Variants in MFAP1 observed in about 807,000 individuals in gnomAD.
MFAP1 encodes microfibrillar-associated protein 1.
A neutral mutation model predicts 62.2 loss-of-function variants in MFAP1; 18 were observed. The ratio of observed to expected loss-of-function variants is 0.29; its 90% CI spans 0.20 to 0.43. The LOEUF (loss-of-function observed/expected upper bound fraction) is 0.43, where lower values mean the gene tolerates loss of function less well. Ranked by LOEUF, MFAP1 falls within the 20% of genes least tolerant of loss-of-function variation. The pLI, the probability that MFAP1 is intolerant of heterozygous loss-of-function variation, is 1.00. For missense variants in MFAP1, 355 were observed against 559.7 expected (o/e 0.63, Z 3.69); for synonymous variants, 175 against 180.4 (o/e 0.97, Z 0.24).
rs750166071 is a variant in MFAP1, at chr15:43,813,088, C to T, written c.786G>A (p.Leu262=). Residue 262 remains leucine (L), a synonymous_variant, in exon 6 of 9, where the codon TTG becomes TTA. Transcript: ENST00000267812. ...LEENKRSLAA[L]DALNTDDEND... is the part of the protein sequence containing the mutation. ...TTTCATCATCAGTATTGAGTGCATC[C>T]AATGCAGCCAGGGATCGCTTGTTCT... 1 of 1,614,052 alleles carries T rather than the reference C, an allele frequency of 6.2e-7. No homozygotes were observed. Among genetic ancestry groups the T allele is most frequent in the African/African-American group, 1.3e-5 (1 of 74,912 alleles).
At position 43,809,886 on chromosome 15, in the gene MFAP1, G is replaced by A. The variant is rs773363920; in HGVS notation, c.916C>T (p.Arg306Cys). 5.0e-6 allele frequency: 8 copies of A among 1,613,994 alleles called. No homozygotes were observed. The highest frequency in any genetic ancestry group is 1.6e-4 in the Middle Eastern group (1 of 6,084). The change falls in exon 7 of 9, where the codon CGC (arginine) becomes TGC (cysteine). Residue 306 changes from arginine to cysteine, a missense_variant. Around this residue, in one of 6 missense-constraint regions of MFAP1, gnomAD observed 257 missense variants for 341.3 expected, o/e 0.75. Coordinates refer to ENST00000267812, the MANE Select transcript of MFAP1 (RefSeq NM_005926.3). ...ALEKEKAEIE[R>C]MRNLTEEERR... is the part of the protein sequence containing the mutation. ...TCTTCCTCAGTCAGGTTTCGCATGC[G>A]TTCAATTTCTGCTTTCTCCTTCTCA...
chr15:43,815,654 A>G (rs1894339785), intron 2 of MFAP1, among the ~76,000 whole-genome samples: 1 of 150,186 alleles, frequency 6.7e-6, no homozygotes, highest in South Asian at 2.1e-4. Context: ...TTTTTTTGAG[A>G]CAGAATCTCA....
chr15:43,818,897 C>A (rs1467093335), intron 1 of MFAP1, among the ~76,000 whole-genome samples: 2 of 151,778 alleles, frequency 1.3e-5, no homozygotes, highest in African/African-American at 2.4e-5. Flanking sequence ...GTGTCAAACA[C>A]AAAAATATAT....
intron 6 of MFAP1, among the ~76,000 whole-genome samples, chr15:43,811,075 C>G (rs541116406): frequency 2.7e-5 from 4 of 148,896 alleles, no homozygotes; most frequent in African/African-American, 9.8e-5. Context: ...TTTTAAAGGG[C>G]ACTTAGACTC....
At chr15:43,823,381 C>CTT (rs200413511) in intron 1 of MFAP1, among the ~76,000 whole-genome samples, 1 of 142,018 alleles carries the variant, frequency 7.0e-6, no homozygotes. Context: ...GCAGAACTTT[C>CTT]TTTTTTTTTT....
At chr15:43,815,790 C>A (rs1052354814) in intron 2 of MFAP1, among the ~76,000 whole-genome samples, 9 of 151,994 alleles carry the variant, frequency 5.9e-5, no homozygotes, top group African/African-American at 2.2e-4. Flanking sequence ...TGCACCACCA[C>A]ACCCAGCTAA....
Position 43,816,633 on chromosome 15 carries a change from A to G in MFAP1, c.299+596T>C, listed in dbSNP as rs143139193. 2.3e-3 allele frequency among the ~76,000 whole-genome samples: 349 copies of G among 152,314 alleles called. 4 individuals carry two copies. Among genetic ancestry groups the G allele is most frequent in the African/African-American group, 8.0e-3 (333 of 41,572 alleles). On this transcript the variant is annotated intron_variant, in intron 2 of 8. Coordinates refer to ENST00000267812, the MANE Select transcript of MFAP1 (RefSeq NM_005926.3). ...GCTCTAACTACTTAATAACTAAAAT[A>G]AACAGAACTGTTTTGGCCCAGGAGC...
chr15:43,815,426 C>T (rs1273670434), intron 2 of MFAP1, among the ~76,000 whole-genome samples: 1 of 152,126 alleles, frequency 6.6e-6, no homozygotes, highest in East Asian at 1.9e-4. Context: ...AATCTGCCCA[C>T]CTCAGCCTCT....
intron 7 of MFAP1, among the ~76,000 whole-genome samples, chr15:43,806,172 C>G (rs1277295797): frequency 6.6e-6 from 1 of 152,092 alleles, no homozygotes; most frequent in African/African-American, 2.4e-5. Flanking sequence ...TCTCTGCACT[C>G]AATGTGTTTG....
At chr15:43,819,875 T>G (rs1295374088) in intron 1 of MFAP1, among the ~76,000 whole-genome samples, 1 of 152,106 alleles carries the variant, frequency 6.6e-6, no homozygotes, top group East Asian at 1.9e-4. Context: ...CAGCTGGGTG[T>G]GGTGGCTCAC....
chr15:43,811,382 C>CTCCA (rs2087399587), intron 6 of MFAP1, among the ~76,000 whole-genome samples: 1 of 146,222 alleles, frequency 6.8e-6, no homozygotes, highest in South Asian at 2.2e-4. Context: ...CGCCACTGCA[C>CTCCA]TCCAGCCTGG....
chr15:43,809,719 A>G (rs2087387317), intron 7 of MFAP1, 36 bp downstream of exon 7: 1 of 1,601,522 alleles, frequency 6.2e-7, no homozygotes, highest in Non-Finnish European at 8.5e-7. Flanking sequence ...AGTTATTCCT[A>G]CTGCCCAATT....
rs1020112057 is a variant in MFAP1 at position 43,813,085 on chromosome 15, A to G, written c.789T>C (p.Asp263=). Residue 263 remains aspartate, a synonymous_variant, in exon 6 of 9, where the codon GAT becomes GAC. Coordinates refer to ENST00000267812, the MANE Select transcript of MFAP1 (RefSeq NM_005926.3). ...CATTTTCATCATCAGTATTGAGTGC[A>G]TCCAATGCAGCCAGGGATCGCTTGT... ...EENKRSLAAL[D]ALNTDDENDE... 11 of 1,614,162 alleles carry G rather than the reference A, an allele frequency of 6.8e-6. No homozygotes were observed. In the South Asian group the frequency reaches 1.2e-4, roughly 18 times the overall value.
chr15:43,808,383 T>C (rs1023951313), intron 7 of MFAP1, among the ~76,000 whole-genome samples: 8 of 152,130 alleles, frequency 5.3e-5, no homozygotes, highest in Admixed American at 1.3e-4. Context: ...GTATTTTTTG[T>C]AGAGATGGGG....
At chr15:43,819,887 C>A (rs940354515) in intron 1 of MFAP1, among the ~76,000 whole-genome samples, 1 of 152,194 alleles carries the variant, frequency 6.6e-6, no homozygotes. Context: ...GTGGCTCACG[C>A]CTGTAATCCC....
chr15:43,807,355 ATT>A (rs1031733990), intron 7 of MFAP1, among the ~76,000 whole-genome samples: 2 of 143,696 alleles, frequency 1.4e-5, no homozygotes, highest in African/African-American at 2.5e-5. Flanking sequence ...TATATATTTA[ATT>A]TTTTTTTTTT....
intron 1 of MFAP1, 35 bp downstream of exon 1, chr15:43,824,456 A>G: frequency 6.2e-7 from 1 of 1,611,184 alleles, no homozygotes; most frequent in Non-Finnish European, 8.5e-7. Flanking sequence ...GGAAGGGGTT[A>G]AAATTCGACT....
At chr15:43,824,254 G>A (rs1437811118) in intron 1 of MFAP1, among the ~76,000 whole-genome samples, 1 of 151,566 alleles carries the variant, frequency 6.6e-6, no homozygotes, top group African/African-American at 2.4e-5. Context: ...TTATATATAT[G>A]TAACATTAGT....
At chr15:43,808,689 C>T (rs192287117) in intron 7 of MFAP1, among the ~76,000 whole-genome samples, 1 of 152,362 alleles carries the variant, frequency 6.6e-6, no homozygotes, top group Non-Finnish European at 1.5e-5. Flanking sequence ...GTAAACACTT[C>T]CTGCTAATCA....
Sources: gnomAD v4.1 joint callset for allele counts (sites outside exome capture counted in the v4.1 genomes callset) on GRCh38, gnomAD v4.1.1 for gene constraint, gnomAD v4.1.1 regional missense constraint, MANE v1.5 for transcripts, NCBI Gene and HGNC (gene_info 2026-07-23, HGNC 2026-07-21) for gene names.